The following INPP5F variants were observed in gnomAD, a reference collection of about 807,000 sequenced individuals.
INPP5F encodes the protein phosphatidylinositide 4-phosphatase SAC2.
Under a neutral mutation model 137.2 loss-of-function variants are expected in INPP5F, and 97 were observed. The ratio of observed to expected loss-of-function variants is 0.71; its 90% CI spans 0.60 to 0.84. The LOEUF is 0.84. Ranked by LOEUF, INPP5F falls within the 40% of genes least tolerant of loss-of-function variation. The pLI is 0.00. For synonymous variants in INPP5F, 504 were observed against 476.9 expected (o/e 1.06, Z -0.74); for missense variants, 1,271 against 1,371.9 (o/e 0.93, Z 1.16).
rs1386808629 is a variant in INPP5F, at chr10:119,827,692, C to T, written c.3311C>T (p.Pro1104Leu). Residue 1104 changes from proline (P) to leucine (L), a missense_variant, in exon 20 of 20, where the codon CCT (proline) becomes CTT (leucine). Pro to Leu is a moderately conservative substitution (Grantham distance 98). Coordinates refer to ENST00000650623, the MANE Select transcript of INPP5F (RefSeq NM_014937.4). ...NFAVSKVQKSPPEPEIINQVQ... is the reference protein window; with the variant it reads ...NFAVSKVQKSLPEPEIINQVQ... The stretch of plus-strand genomic sequence containing the variant: ...GCAGTGTCAAAAGTTCAGAAGAGTC[C>T]TCCAGAACCTGAAATCATTAATCAA... 3 of 1,613,754 alleles carry T rather than the reference C, an allele frequency of 1.9e-6. No individual in the cohort carries two copies. The highest frequency in any genetic ancestry group is 1.7e-5 in the Admixed American group (1 of 59,984).
intron 1 of INPP5F, among the ~76,000 whole-genome samples, chr10:119,734,569 A>C (rs754252447): frequency 3.3e-5 from 5 of 152,192 alleles, no homozygotes; most frequent in Non-Finnish European, 7.3e-5. Context: ...TCCTGGCCTC[A>C]AGCAGTCCTC....
At chr10:119,738,892 A>G (rs1200855353) in intron 1 of INPP5F, among the ~76,000 whole-genome samples, 1 of 152,110 alleles carries the variant, frequency 6.6e-6, no homozygotes, top group Non-Finnish European at 1.5e-5. Flanking sequence ...GATAATTTAA[A>G]TTGCCCAGGC....
chr10:119,792,081 G>A, intron 5 of INPP5F, 45 bp downstream of exon 5: 1 of 1,614,178 alleles, frequency 6.2e-7, no homozygotes, highest in Non-Finnish European at 8.5e-7. Flanking sequence ...TTGGGAAGAA[G>A]TGATGGCCTG....
chr10:119,826,617 C>T lies in INPP5F; in HGVS notation c.2250-14C>T, dbSNP rs778127668. 16 of 1,548,032 alleles carry T rather than the reference C, an allele frequency of 1.0e-5. No homozygotes were observed. The East Asian group carries it at 2.5e-4, about 24-fold the overall frequency. The stretch of plus-strand genomic sequence containing the variant: ...TCCATGGGGAATTAACTTTTTTTCT[C>T]TTCTAATTTGTAGGAAGAGCAGTAA... On this transcript the variant is annotated splice_polypyrimidine_tract_variant and intron_variant, in intron 19 of 19. Transcript: ENST00000650623.
rs549854464 is a variant in INPP5F at position 119,776,159 on chromosome 10, C to G, written c.179-5476C>G. Among the ~76,000 whole-genome samples, 4 of 152,258 alleles carry G rather than the reference C, an allele frequency of 2.6e-5. 1 individual carries two copies. The East Asian group carries it at 7.7e-4, about 29-fold the overall frequency. On this transcript the variant is annotated intron_variant, in intron 2 of 19. Transcript: ENST00000650623. ...TGAGTCCAATTTCTGACCTCAAAGT[C>G]TAGGACACTTGAAGCCTCCTTGAAA...
chr10:119,810,339 C>T (rs1190810849), intron 14 of INPP5F, 122 bp downstream of exon 14: 3 of 513,130 alleles, frequency 5.8e-6, no homozygotes, highest in Admixed American at 3.6e-5. Flanking sequence ...CTGTATTGAG[C>T]ATCTTACCCA....
At chr10:119,776,349 GTATT>G (rs1479047870) in intron 2 of INPP5F, among the ~76,000 whole-genome samples, 7 of 1,936 alleles carry the variant, frequency 3.6e-3, no homozygotes, top group Non-Finnish European at 0.015. Context: ...AAAAAAATGT[GTATT>G]TATTTTAAAA....
intron 1 of INPP5F, among the ~76,000 whole-genome samples, chr10:119,731,178 A>G (rs1726677127): frequency 2.0e-5 from 3 of 152,160 alleles, no homozygotes; most frequent in Admixed American, 2.0e-4. Context: ...ATTTTTGATA[A>G]TGAAATTATT....
chr10:119,797,459 A>G lies in INPP5F; in HGVS notation c.869-2A>G. On this transcript the variant is annotated splice_acceptor_variant, in intron 7 of 19. Transcript: ENST00000650623. LOFTEE classifies it high-confidence loss of function. ...CTGTTTTCTGTTTTAATTTTCTTTC[A>G]GGAATGCGCTATAAACGAAGAGGAG... 1 of 1,596,472 alleles carries G rather than the reference A, an allele frequency of 6.3e-7. No homozygotes were observed. Among genetic ancestry groups the G allele is most frequent in the Non-Finnish European group, 8.5e-7 (1 of 1,170,812 alleles).
chr10:119,794,278 T>C (rs940629020), intron 6 of INPP5F, among the ~76,000 whole-genome samples: 1 of 152,228 alleles, frequency 6.6e-6, no homozygotes, highest in African/African-American at 2.4e-5. Context: ...GCACCGCCCT[T>C]AATCCATTCA....
At chr10:119,740,529 GTT>G (rs982491438) in intron 1 of INPP5F, among the ~76,000 whole-genome samples, 4 of 152,074 alleles carry the variant, frequency 2.6e-5, no homozygotes, top group Admixed American at 6.6e-5. Flanking sequence ...TTGAAGTTGG[GTT>G]TTTTCTTTCA....
chr10:119,801,521 G>A (rs1470478097), intron 9 of INPP5F, among the ~76,000 whole-genome samples: 2 of 152,322 alleles, frequency 1.3e-5, no homozygotes, highest in East Asian at 3.9e-4. Flanking sequence ...ATAAATTCAT[G>A]TATTAGCAAT....
chr10:119,759,500 G>A (rs544810510), intron 2 of INPP5F, among the ~76,000 whole-genome samples: 1 of 151,786 alleles, frequency 6.6e-6, no homozygotes, highest in East Asian at 1.9e-4. Context: ...AGCGATTCTT[G>A]TGCCTCACCC....
chr10:119,774,226 T>C (rs749602519), intron 2 of INPP5F, among the ~76,000 whole-genome samples: 39 of 138,470 alleles, frequency 2.8e-4, no homozygotes, highest in Non-Finnish European at 4.5e-4. Context: ...CACGCCACTG[T>C]ACTCCAGCCT....
chr10:119,789,249 A>G (rs1313917015), intron 3 of INPP5F, among the ~76,000 whole-genome samples: 1 of 151,902 alleles, frequency 6.6e-6, no homozygotes, highest in Non-Finnish European at 1.5e-5. Context: ...AAGAATGGCT[A>G]TGTCTGTGTA....
At chr10:119,808,095 T>C in intron 13 of INPP5F, 35 bp downstream of exon 13, 1 of 1,601,286 alleles carries the variant, frequency 6.2e-7, no homozygotes, top group South Asian at 1.1e-5. Flanking sequence ...TGGGTCATTA[T>C]GTAGGACACA....
At chr10:119,729,869 G>A (rs1848004395) in intron 1 of INPP5F, among the ~76,000 whole-genome samples, 1 of 151,630 alleles carries the variant, frequency 6.6e-6, no homozygotes, top group Non-Finnish European at 1.5e-5. Flanking sequence ...ATGGGCATGA[G>A]CCACCACACT....
intron 3 of INPP5F, among the ~76,000 whole-genome samples, chr10:119,788,606 T>G (rs1004459369): frequency 2.0e-5 from 3 of 152,206 alleles, no homozygotes; most frequent in Admixed American, 6.5e-5. Context: ...ACAGTTCCAG[T>G]GCCTGGGCTG....
At chr10:119,802,362 A>G (rs560990742) in intron 9 of INPP5F, among the ~76,000 whole-genome samples, 50 of 152,320 alleles carry the variant, frequency 3.3e-4, no homozygotes, top group African/African-American at 1.0e-3. Flanking sequence ...ATTGGGAATC[A>G]CTATTAAGCC....
Sources: gnomAD v4.1 joint callset for allele counts (sites outside exome capture counted in the v4.1 genomes callset) on GRCh38, gnomAD v4.1.1 for gene constraint, MANE v1.5 for transcripts, NCBI Gene and HGNC (gene_info 2026-07-23, HGNC 2026-07-21) for gene names.